The following THSD4 variants were observed in gnomAD, a reference collection of about 807,000 sequenced individuals.
The protein encoded by THSD4 is thrombospondin type 1 domain containing 4, also known as thrombospondin type-1 domain-containing protein 4.
THSD4 carries 69 observed loss-of-function variants against 119.0 expected under a neutral mutation model. The ratio of observed to expected loss-of-function variants is 0.58; its 90% CI spans 0.48 to 0.71. The LOEUF (loss-of-function observed/expected upper bound fraction) is 0.71, where lower values mean the gene tolerates loss of function less well. Among genes scored for constraint, THSD4 ranks in the 30% least tolerant of loss-of-function variants. The pLI, the probability that THSD4 is intolerant of heterozygous loss-of-function variation, is 0.00. For missense variants in THSD4, 1,393 were observed against 1,391.1 expected, an observed-to-expected ratio of 1.00 and a Z score of -0.02; for synonymous variants, 524 against 540.4, an observed-to-expected ratio of 0.97 and a Z score of 0.42.
chr15:71,716,987 A>AT (rs917084460), intron 8 of THSD4, among the ~76,000 whole-genome samples: 1 of 152,130 alleles, frequency 6.6e-6, no homozygotes, highest in Admixed American at 6.6e-5. Flanking sequence ...CGGATATCTT[A>AT]TTTTTTAGAC....
chr15:71,188,962 C>T (rs1049495010), intron 3 of THSD4: 3 of 152,630 alleles, frequency 2.0e-5, no homozygotes, highest in African/African-American at 7.2e-5. Context: ...GCTAAGGCTC[C>T]ATGTGCACAG....
intron 7 of THSD4, among the ~76,000 whole-genome samples, chr15:71,474,665 G>T (rs375495292): frequency 1.3e-5 from 2 of 152,194 alleles, no homozygotes; most frequent in African/African-American, 2.4e-5. Flanking sequence ...GAAGGCTGCT[G>T]TATGTGAATT....
intron 6 of THSD4, among the ~76,000 whole-genome samples, chr15:71,283,877 C>T (rs535466874): frequency 6.6e-6 from 1 of 152,110 alleles, no homozygotes; most frequent in South Asian, 2.1e-4. Flanking sequence ...GAGCTCAATG[C>T]CCAGGGATGG....
intron 7 of THSD4, among the ~76,000 whole-genome samples, chr15:71,515,456 C>T (rs1567017025): frequency 6.6e-6 from 1 of 152,028 alleles, no homozygotes; most frequent in Non-Finnish European, 1.5e-5. Context: ...CAGGGCTGGC[C>T]GCGTCCTTGT....
intron 6 of THSD4, among the ~76,000 whole-genome samples, chr15:71,368,062 T>G (rs1480072221): frequency 2.6e-5 from 4 of 151,980 alleles, no homozygotes; most frequent in Admixed American, 1.3e-4. Flanking sequence ...TCATGTGTCT[T>G]TTGGCTGCAT....
At chr15:71,166,501 A>G (rs1260151487) in intron 3 of THSD4, among the ~76,000 whole-genome samples, 3 of 152,188 alleles carry the variant, frequency 2.0e-5, no homozygotes, top group African/African-American at 7.2e-5. Context: ...TTTTATAGCA[A>G]TGACTGTTCC....
intron 6 of THSD4, among the ~76,000 whole-genome samples, chr15:71,272,025 A>G (rs1396898975): frequency 1.3e-5 from 2 of 152,210 alleles, no homozygotes; most frequent in Non-Finnish European, 2.9e-5. Flanking sequence ...GAAAATATTT[A>G]CAAATCATAC....
intron 4 of THSD4, among the ~76,000 whole-genome samples, chr15:71,227,660 A>T (rs1049722472): frequency 6.6e-6 from 1 of 152,224 alleles, no homozygotes; most frequent in African/African-American, 2.4e-5. Context: ...TAAGGTAAAG[A>T]AGTCCCCAGC....
At position 71,731,225 on chromosome 15, in the gene THSD4, C is replaced by A; in HGVS notation, c.1630+8C>A. 1.2e-6 allele frequency: 2 copies of A among 1,613,416 alleles called. No homozygotes were observed. Among genetic ancestry groups the A allele is most frequent in the Non-Finnish European group, 1.7e-6 (2 of 1,179,322 alleles). On this transcript the variant is annotated splice_region_variant and intron_variant, in intron 10 of 17. Coordinates refer to ENST00000261862, the MANE Select transcript of THSD4 (RefSeq NM_024817.3). ...CACCCCACAGGAGACCAGGTAGAAT[C>A]CCTTGTCTTGTGGCCGGGGACTCTG...
intron 7 of THSD4, among the ~76,000 whole-genome samples, chr15:71,542,194 T>G (rs2048768516): frequency 2.0e-5 from 3 of 152,132 alleles, no homozygotes; most frequent in Admixed American, 1.3e-4. Context: ...GCAGGCAAGA[T>G]CTACAGATGA....
rs185550199 is a variant in THSD4, at chr15:71,696,324, C to A, written c.1358-32225C>A. Among the ~76,000 whole-genome samples, 4 of 152,216 alleles carry A rather than the reference C, an allele frequency of 2.6e-5. No homozygotes were observed. In the East Asian group the frequency reaches 7.7e-4, roughly 29 times the overall value. ...AGAGGGACCAAACAGGAGGAGGAACCTCACTTTATAACAACCCACTCTTTT... is the reference window on the plus strand; with the variant it reads ...AGAGGGACCAAACAGGAGGAGGAACATCACTTTATAACAACCCACTCTTTT... On this transcript the variant is annotated intron_variant, in intron 8 of 17. Transcript: ENST00000261862.
chr15:71,199,895 GTGTGTGTGGTGCATGTGTGGGGTGTGT>G (rs1567155099), intron 3 of THSD4, among the ~76,000 whole-genome samples: 9 of 142,038 alleles, frequency 6.3e-5, no homozygotes, highest in Admixed American at 2.8e-4. Flanking sequence ...TGTGTGGTAT[GTGTGTGTGGTGCATGTGTGGGGTGTGT>G]GTGTGTGTGT....
At chr15:71,275,205 G>T (rs1259131137) in intron 6 of THSD4, among the ~76,000 whole-genome samples, 1 of 151,870 alleles carries the variant, frequency 6.6e-6, no homozygotes, top group Non-Finnish European at 1.5e-5. Flanking sequence ...CCACCAAGCT[G>T]AGAGCAGCGA....
intron 6 of THSD4, among the ~76,000 whole-genome samples, chr15:71,329,397 A>G (rs1020429972): frequency 6.6e-6 from 1 of 152,178 alleles, no homozygotes; most frequent in Admixed American, 6.5e-5. Flanking sequence ...TTGGAGAGAA[A>G]GGTTGCCAGA....
In THSD4 at chr15:71,692,226, A is replaced by G. The variant is rs946171320; in HGVS notation, c.1357+31492A>G. Among the ~76,000 whole-genome samples, 4 of 152,342 alleles carry G rather than the reference A, an allele frequency of 2.6e-5. No homozygotes were observed. In the East Asian group the frequency reaches 7.7e-4, roughly 29 times the overall value. ...GTGTATGTGCACGTGTACGTTAAAG[A>G]TGAGTTAATTTCAATGTTTCTATTA... is the stretch of plus-strand genomic sequence containing the variant. On this transcript the variant is annotated intron_variant, in intron 8 of 17. Coordinates refer to ENST00000261862, the MANE Select transcript of THSD4 (RefSeq NM_024817.3).
intron 7 of THSD4, among the ~76,000 whole-genome samples, chr15:71,636,146 G>A (rs909217349): frequency 6.6e-6 from 1 of 152,182 alleles, no homozygotes; most frequent in Non-Finnish European, 1.5e-5. Context: ...AATAGACCAG[G>A]CGCAGTGGCT....
At chr15:71,278,024 A>G (rs2044611618) in intron 6 of THSD4, among the ~76,000 whole-genome samples, 1 of 152,212 alleles carries the variant, frequency 6.6e-6, no homozygotes, top group Non-Finnish European at 1.5e-5. Flanking sequence ...TAAAAATACC[A>G]CCACTACTGC....
chr15:71,238,620 A>G (rs559871183), intron 4 of THSD4, among the ~76,000 whole-genome samples: 160 of 152,372 alleles, frequency 1.1e-3, no homozygotes, highest in African/African-American at 3.6e-3. Context: ...ATGTTACAGT[A>G]TATATCAGCA....
chr15:71,724,287 A>ATATATATT, intron 8 of THSD4, among the ~76,000 whole-genome samples: 644 of 37,220 alleles, frequency 0.017, 11 homozygotes, highest in African/African-American at 0.041. Flanking sequence ...ATATATATAT[A>ATATATATT]TTTTTTTTTT....
Sources: gnomAD v4.1 joint callset for allele counts (sites outside exome capture counted in the v4.1 genomes callset) on GRCh38, gnomAD v4.1.1 for gene constraint, MANE v1.5 for transcripts, NCBI Gene and HGNC (gene_info 2026-07-23, HGNC 2026-07-21) for gene names.